The following PTPRK variants were observed in gnomAD, a reference collection of about 807,000 sequenced individuals.
PTPRK encodes the protein protein tyrosine phosphatase receptor type K, also known as receptor-type tyrosine-protein phosphatase kappa.
PTPRK carries 75 observed loss-of-function variants against 178.0 expected under a neutral mutation model. That is an observed-to-expected ratio of 0.42 (90% confidence interval 0.35 to 0.51). PTPRK has a LOEUF of 0.51. PTPRK is among the 20% of genes least tolerant of loss of function. The pLI, the probability that PTPRK is intolerant of heterozygous loss-of-function variation, is 0.02. For missense variants in PTPRK, 1,441 were observed against 1,797.8 expected, an observed-to-expected ratio of 0.80 and a Z score of 3.59; for synonymous variants, 637 against 620.6, an observed-to-expected ratio of 1.03 and a Z score of -0.39.
At chr6:128,197,763 G>A (rs943970373) in intron 6 of PTPRK, among the ~76,000 whole-genome samples, 1 of 151,784 alleles carries the variant, frequency 6.6e-6, no homozygotes, top group Non-Finnish European at 1.5e-5. Flanking sequence ...ACAACAAAAA[G>A]AACATGAAAT....
chr6:128,141,956 A>T (rs1252920561), intron 7 of PTPRK, among the ~76,000 whole-genome samples: 2 of 151,922 alleles, frequency 1.3e-5, no homozygotes, highest in Non-Finnish European at 2.9e-5. Flanking sequence ...AATTAAGATA[A>T]ATCTTTCTTC....
intron 7 of PTPRK, among the ~76,000 whole-genome samples, chr6:128,173,558 T>G (rs1800613047): frequency 6.6e-6 from 1 of 152,006 alleles, no homozygotes; most frequent in Non-Finnish European, 1.5e-5. Context: ...GGAAAATAAC[T>G]GCCTGACCCA....
chr6:128,228,566 A>AG (rs1179198177), intron 5 of PTPRK, among the ~76,000 whole-genome samples: 1 of 150,746 alleles, frequency 6.6e-6, no homozygotes, highest in East Asian at 2.0e-4. Flanking sequence ...AGGCTGAGGC[A>AG]GGAGAATGGC....
At chr6:128,182,935 A>T (rs1562742216) in intron 7 of PTPRK, among the ~76,000 whole-genome samples, 1 of 152,186 alleles carries the variant, frequency 6.6e-6, no homozygotes, top group Non-Finnish European at 1.5e-5. Flanking sequence ...AGCAGGTGAG[A>T]TATTTAAAAG....
chr6:128,215,157 A>G (rs1250337081), intron 6 of PTPRK, among the ~76,000 whole-genome samples: 1 of 152,190 alleles, frequency 6.6e-6, no homozygotes, highest in Non-Finnish European at 1.5e-5. Flanking sequence ...AAACTATAAC[A>G]ATTTGCAATA....
At chr6:128,186,504 T>G (rs992668939) in intron 6 of PTPRK, among the ~76,000 whole-genome samples, 3 of 152,276 alleles carry the variant, frequency 2.0e-5, no homozygotes, top group Non-Finnish European at 4.4e-5. Flanking sequence ...TTTACAAACT[T>G]TAACTACAAC....
At chr6:128,263,737 T>C (rs1339188) in intron 3 of PTPRK, among the ~76,000 whole-genome samples, 12,462 of 152,188 alleles carry the variant, frequency 0.082, 1,246 homozygotes, top group African/African-American at 0.24. Context: ...TTTGAGAGTC[T>C]GTACAAGCCG....
chr6:128,016,665 CT>C (rs11321458), intron 13 of PTPRK, among the ~76,000 whole-genome samples: 74,461 of 151,152 alleles, frequency 0.49, 18,833 homozygotes, highest in Middle Eastern at 0.58. Context: ...ATATATCAAT[CT>C]TTTTTTTTAT....
Position 128,117,658 on chromosome 6 carries a change from T to C in PTPRK, c.1163-27666A>G, listed in dbSNP as rs151044778. Among the ~76,000 whole-genome samples, 22 of 152,202 alleles carry C rather than the reference T, an allele frequency of 1.4e-4. No individual in the cohort carries two copies. In the East Asian group the frequency reaches 3.9e-3, roughly 27 times the overall value. On this transcript the variant is annotated intron_variant, in intron 7 of 29. Coordinates refer to ENST00000368226, the MANE Select transcript of PTPRK (RefSeq NM_002844.4). Reference sequence around the variant, plus strand: ...TTTCAGGATATAAATATTCATATTATTTATGTATTTATGAGATGGAGTCTT... The same window carrying C: ...TTTCAGGATATAAATATTCATATTACTTATGTATTTATGAGATGGAGTCTT...
intron 3 of PTPRK, among the ~76,000 whole-genome samples, chr6:128,286,325 C>A (rs1330631024): frequency 6.6e-6 from 1 of 152,030 alleles, no homozygotes. Context: ...TTTTTGTTCT[C>A]CTTCTCTTTT....
At position 128,472,624 on chromosome 6, in the gene PTPRK, A is replaced by C. The variant is rs368588544; in HGVS notation, c.100+47635T>G. The stretch of plus-strand genomic sequence containing the variant: ...TACCATTTATTATATATAATTCTAC[A>C]TATTAATATTTTTAAAACAACTTGA... On this transcript the variant is annotated intron_variant, in intron 1 of 29. Coordinates refer to ENST00000368226, the MANE Select transcript of PTPRK (RefSeq NM_002844.4). 67 of 265,948 alleles carry C rather than the reference A, an allele frequency of 2.5e-4. 1 individual carries two copies. In the East Asian group the frequency reaches 6.2e-3, roughly 25 times the overall value. The allele number at this position is 265,948 out of a possible 1,614,324, so 16.5% of individuals were successfully genotyped here.
At chr6:127,977,128 A>G in intron 25 of PTPRK, 74 bp from the exon 26 acceptor site, 3 of 1,458,092 alleles carry the variant, frequency 2.1e-6, no homozygotes, top group Non-Finnish European at 1.9e-6. Context: ...CAGATACAAT[A>G]CACTTCAATG....
intron 1 of PTPRK, among the ~76,000 whole-genome samples, chr6:128,438,201 G>C (rs1347290215): frequency 2.6e-5 from 4 of 152,230 alleles, no homozygotes; most frequent in Non-Finnish European, 5.9e-5. Context: ...TTCTCAAAGA[G>C]AGTCTTGCCT....
chr6:128,520,306 A>G lies in PTPRK; in HGVS notation c.53T>C (p.Leu18Pro). 6.2e-7 allele frequency: 1 copy of G among 1,610,436 alleles called. No homozygotes were observed. Among genetic ancestry groups the G allele is most frequent in the Non-Finnish European group, 8.5e-7 (1 of 1,178,364 alleles). ...ALPAFVALLL[L>P]SPWPLLGSAQ... ...CGATCCCAGGAGAGGCCAAGGAGAG[A>G]GGAGCAAGAGCGCCACAAAAGCAGG... The change falls in exon 1 of 30, where the codon CTC (leucine) becomes CCC (proline). Residue 18 changes from leucine (L) to proline (P), a missense_variant. Coordinates refer to ENST00000368226, the MANE Select transcript of PTPRK (RefSeq NM_002844.4).
At chr6:128,080,827 A>G (rs1784688362) in intron 10 of PTPRK, among the ~76,000 whole-genome samples, 1 of 152,106 alleles carries the variant, frequency 6.6e-6, no homozygotes, top group African/African-American at 2.4e-5. Flanking sequence ...AGATGTGATT[A>G]ATAATTGTTC....
intron 1 of PTPRK, among the ~76,000 whole-genome samples, chr6:128,417,518 A>T (rs1842979658): frequency 6.6e-6 from 1 of 152,242 alleles, no homozygotes; most frequent in Admixed American, 6.5e-5. Flanking sequence ...GTCATTTAAT[A>T]ATGTCAACAG....
At chr6:128,308,817 T>A (rs571653250) in intron 3 of PTPRK, among the ~76,000 whole-genome samples, 1 of 152,312 alleles carries the variant, frequency 6.6e-6, no homozygotes, top group South Asian at 2.1e-4. Flanking sequence ...CATCAATTCT[T>A]CTTAAGTTTC....
At chr6:128,219,123 A>T (rs769388269) in intron 5 of PTPRK, 27 bp from the exon 6 acceptor site, 11 of 1,561,338 alleles carry the variant, frequency 7.0e-6, no homozygotes, top group Non-Finnish European at 8.8e-6. Context: ...ATCTTTAAAA[A>T]CAGGTTCTTA....
intron 1 of PTPRK, among the ~76,000 whole-genome samples, chr6:128,471,216 T>C (rs1182870054): frequency 2.6e-5 from 4 of 152,208 alleles, no homozygotes; most frequent in African/African-American, 9.6e-5. Context: ...TCCCAGCCAC[T>C]GTAAGAAATA....
Sources: gnomAD v4.1 joint callset for allele counts (sites outside exome capture counted in the v4.1 genomes callset) on GRCh38, gnomAD v4.1.1 for gene constraint, MANE v1.5 for transcripts, NCBI Gene and HGNC (gene_info 2026-07-23, HGNC 2026-07-21) for gene names.